Variants in NAALADL2 observed in about 807,000 individuals in gnomAD.
The protein encoded by NAALADL2 is N-acetylated alpha-linked acidic dipeptidase like 2.
In NAALADL2, 76 loss-of-function variants were observed where a neutral mutation model predicts 87.2. The ratio of observed to expected loss-of-function variants is 0.87; its 90% CI spans 0.72 to 1.05. NAALADL2 has a LOEUF of 1.05. Ranked by LOEUF, NAALADL2 falls within the 50% of genes least tolerant of loss-of-function variation. The pLI is 0.00. For synonymous variants in NAALADL2, 354 were observed against 331.0 expected (o/e 1.07, Z -0.75); for missense variants, 1,089 against 945.8 (o/e 1.15, Z -1.99).
intron 1 of NAALADL2, among the ~76,000 whole-genome samples, chr3:174,883,382 A>G (rs1729671771): frequency 6.6e-6 from 1 of 152,166 alleles, no homozygotes; most frequent in Non-Finnish European, 1.5e-5. Context: ...CATAATCTTC[A>G]TAATCTTCAA....
intron 2 of NAALADL2, among the ~76,000 whole-genome samples, chr3:174,720,621 A>C (rs941229711): frequency 1.3e-5 from 2 of 152,182 alleles, no homozygotes; most frequent in Non-Finnish European, 2.9e-5. Flanking sequence ...CTCAACCATG[A>C]GATGTTTATT....
At chr3:175,353,742 C>A (rs1764041891) in intron 5 of NAALADL2, among the ~76,000 whole-genome samples, 1 of 152,142 alleles carries the variant, frequency 6.6e-6, no homozygotes, top group Admixed American at 6.5e-5. Context: ...TATCTAATTC[C>A]CTCAAACCTA....
At chr3:174,912,972 C>G (rs372448111) in intron 1 of NAALADL2, among the ~76,000 whole-genome samples, 1 of 152,114 alleles carries the variant, frequency 6.6e-6, no homozygotes, top group Non-Finnish European at 1.5e-5. Flanking sequence ...ATCTATATTT[C>G]ATGGTTTCTA....
intron 3 of NAALADL2, among the ~76,000 whole-genome samples, chr3:174,806,262 C>A (rs1237839033): frequency 6.6e-6 from 1 of 152,202 alleles, no homozygotes; most frequent in Non-Finnish European, 1.5e-5. Flanking sequence ...AGGGAAAAGT[C>A]AAACTCCTCT....
intron 4 of NAALADL2, among the ~76,000 whole-genome samples, chr3:175,320,443 G>T (rs1256302013): frequency 6.6e-6 from 1 of 152,124 alleles, no homozygotes; most frequent in Non-Finnish European, 1.5e-5. Context: ...CCCCCATAAG[G>T]TTACGTGTAA....
chr3:174,445,041 C>T (rs781215859), intron 1 of NAALADL2, among the ~76,000 whole-genome samples: 37 of 149,594 alleles, frequency 2.5e-4, no homozygotes, highest in Non-Finnish European at 4.9e-4. Flanking sequence ...TATTTAGGGA[C>T]CATTTGTTTC....
chr3:174,921,955 C>T (rs1049320706), intron 1 of NAALADL2, among the ~76,000 whole-genome samples: 2 of 151,594 alleles, frequency 1.3e-5, no homozygotes, highest in African/African-American at 4.9e-5. Flanking sequence ...TTTATTAGTA[C>T]CTGTTCTTTT....
intron 3 of NAALADL2, among the ~76,000 whole-genome samples, chr3:174,745,255 G>C (rs930783291): frequency 6.6e-6 from 1 of 151,944 alleles, no homozygotes; most frequent in African/African-American, 2.4e-5. Flanking sequence ...AAATGATAAA[G>C]GGCATATCAC....
intron 1 of NAALADL2, among the ~76,000 whole-genome samples, chr3:175,004,759 TATC>T (rs1224689648): frequency 6.6e-6 from 1 of 152,178 alleles, no homozygotes; most frequent in Non-Finnish European, 1.5e-5. Flanking sequence ...AAAATATTGA[TATC>T]ATTATCTTCA....
chr3:174,682,942 G>C (rs1488124661), intron 2 of NAALADL2, among the ~76,000 whole-genome samples: 2 of 152,214 alleles, frequency 1.3e-5, no homozygotes, highest in Non-Finnish European at 2.9e-5. Flanking sequence ...TAATTTGGAA[G>C]AGACAGAGAT....
intron 1 of NAALADL2, among the ~76,000 whole-genome samples, chr3:174,960,137 C>T (rs1741762690): frequency 6.6e-6 from 1 of 151,998 alleles, no homozygotes; most frequent in African/African-American, 2.4e-5. Flanking sequence ...GCCTTACTAT[C>T]AGGCAATAAG....
intron 4 of NAALADL2, among the ~76,000 whole-genome samples, chr3:175,307,654 G>A (rs1315925587): frequency 1.3e-5 from 2 of 152,118 alleles, no homozygotes; most frequent in African/African-American, 2.4e-5. Context: ...TATTGAGTCT[G>A]ATCAGCCCTT....
At chr3:174,954,096 A>G (rs1740823559) in intron 1 of NAALADL2, among the ~76,000 whole-genome samples, 2 of 152,040 alleles carry the variant, frequency 1.3e-5, no homozygotes, top group Non-Finnish European at 2.9e-5. Context: ...TGATGGCCCT[A>G]TTTGCAATAT....
chr3:175,045,277 C>T (rs923040511), intron 1 of NAALADL2, among the ~76,000 whole-genome samples: 4 of 152,116 alleles, frequency 2.6e-5, no homozygotes, highest in African/African-American at 9.6e-5. Flanking sequence ...ACATGAATGT[C>T]CTTTTCAAGA....
intron 1 of NAALADL2, among the ~76,000 whole-genome samples, chr3:174,869,141 C>G (rs1004799840): frequency 6.6e-6 from 1 of 151,906 alleles, no homozygotes; most frequent in Admixed American, 6.6e-5. Flanking sequence ...GTGACTCAAG[C>G]CTGGAACTAA....
intron 5 of NAALADL2, among the ~76,000 whole-genome samples, chr3:175,410,099 T>C (rs1239971228): frequency 6.6e-6 from 1 of 152,106 alleles, no homozygotes; most frequent in East Asian, 1.9e-4. Context: ...TATCAGGAAA[T>C]AAATTTATAT....
At chr3:175,698,738 G>A (rs1480628471) in intron 11 of NAALADL2, among the ~76,000 whole-genome samples, 1 of 151,474 alleles carries the variant, frequency 6.6e-6, no homozygotes, top group Non-Finnish European at 1.5e-5. Context: ...TAACCATTTA[G>A]CCACATTAAT....
At chr3:174,513,735 C>A (rs999862649) in intron 1 of NAALADL2, among the ~76,000 whole-genome samples, 2 of 152,150 alleles carry the variant, frequency 1.3e-5, no homozygotes, top group Non-Finnish European at 2.9e-5. Flanking sequence ...AATCTACCCA[C>A]AAAAGACATA....
Position 174,990,048 on chromosome 3 carries a change from T to C in NAALADL2, c.44-106742T>C, listed in dbSNP as rs527817910. 1.1e-4 allele frequency among the ~76,000 whole-genome samples: 16 copies of C among 152,168 alleles called. No individual in the cohort carries two copies. The South Asian group carries it at 3.3e-3, about 32-fold the overall frequency. On this transcript the variant is annotated intron_variant, in intron 1 of 13. Coordinates refer to ENST00000454872, the MANE Select transcript of NAALADL2 (RefSeq NM_207015.3). ...GATTTCCTATTGAAAAAAAATATGG[T>C]GTTTTGTGTAAGTAAATCAATATGC... is the stretch of plus-strand genomic sequence containing the variant.
Sources: allele counts gnomAD v4.1 joint callset (sites outside exome capture counted in the v4.1 genomes callset), GRCh38; gene constraint gnomAD v4.1.1; transcripts MANE v1.5; gene names NCBI Gene and HGNC (gene_info 2026-07-23, HGNC 2026-07-21).